ASTN2: variants seen among roughly 807,000 people sequenced by gnomAD.
The protein encoded by ASTN2 is astrotactin 2.
ASTN2 carries 54 observed loss-of-function variants against 139.8 expected under a neutral mutation model. The observed-to-expected ratio is 0.39, with a 90% confidence interval of 0.31 to 0.48. ASTN2 has a LOEUF of 0.48. ASTN2 is among the 20% of genes least tolerant of loss of function. ASTN2 has a pLI of 0.95. For synonymous variants in ASTN2, 756 were observed against 719.5 expected (o/e 1.05, Z -0.81); for missense variants, 1,565 against 1,725.1 (o/e 0.91, Z 1.64).
At position 116,656,648 on chromosome 9, in the gene ASTN2, C is replaced by T. The variant is rs897577469; in HGVS notation, c.2807-4855G>A. The stretch of plus-strand genomic sequence containing the variant: ...CCAACTGAACTCTCTTTTTTCTCCT[C>T]CCAAATTCCTGCTGGGTATTATTTT... On this transcript the variant is annotated intron_variant, in intron 16 of 22. Transcript: ENST00000313400. Among the ~76,000 whole-genome samples the T allele has an allele frequency of 3.3e-5, 5 of 150,046 alleles. No homozygotes were observed. In the South Asian group the frequency reaches 6.4e-4, roughly 19 times the overall value.
chr9:117,096,531 G>C (rs959121981), intron 4 of ASTN2, among the ~76,000 whole-genome samples: 17 of 152,160 alleles, frequency 1.1e-4, no homozygotes, highest in African/African-American at 4.1e-4. Context: ...TGTTGCTTTT[G>C]GTGATAAGCA....
At chr9:117,151,274 G>A (rs1830321419) in intron 3 of ASTN2, among the ~76,000 whole-genome samples, 1 of 152,148 alleles carries the variant, frequency 6.6e-6, no homozygotes. Flanking sequence ...AATCCAATGA[G>A]AATCAGAGTC....
chr9:117,356,314 T>C (rs1403575812), intron 1 of ASTN2, among the ~76,000 whole-genome samples: 2 of 152,222 alleles, frequency 1.3e-5, no homozygotes, highest in African/African-American at 4.8e-5. Context: ...TCGATTCTTC[T>C]TGGACACCTA....
chr9:116,538,991 T>C (rs979929534), intron 19 of ASTN2, among the ~76,000 whole-genome samples: 1 of 151,986 alleles, frequency 6.6e-6, no homozygotes, highest in Non-Finnish European at 1.5e-5. Flanking sequence ...AATAATGGAG[T>C]CTTCTTTTAA....
At chr9:116,546,145 A>C (rs536563181) in intron 19 of ASTN2, 1 of 152,328 alleles carries the variant, frequency 6.6e-6, no homozygotes, top group East Asian at 1.9e-4. Flanking sequence ...CCAAAGGTAA[A>C]AACTGAAGAT....
rs527429954 is a variant in ASTN2, at chr9:116,957,049, A to ATTTTT, written c.1889+18154_1889+18158dup. Among the ~76,000 whole-genome samples the ATTTTT allele has an allele frequency of 1.0e-3, 145 of 141,812 alleles. No individual in the cohort carries two copies. The East Asian group carries it at 0.013, about 12-fold the overall frequency. 93.0% of individuals were successfully genotyped at this position (141,812 alleles called of 152,430 possible). On this transcript the variant is annotated intron_variant, in intron 10 of 22. Transcript: ENST00000313400. ...GCAGTCCCTATCAGATTCCCAGTTAATTTTTTTTTTTTTTTTGCAGAAATT... is the reference window on the plus strand; with the variant it reads ...GCAGTCCCTATCAGATTCCCAGTTAATTTTTTTTTTTTTTTTTTTTTGCAGAAATT...
At chr9:117,121,535 G>A (rs1264142315) in intron 4 of ASTN2, among the ~76,000 whole-genome samples, 1 of 152,188 alleles carries the variant, frequency 6.6e-6, no homozygotes, top group African/African-American at 2.4e-5. Context: ...CATTTTCCAA[G>A]TAGCATGGAA....
intron 10 of ASTN2, among the ~76,000 whole-genome samples, chr9:116,924,024 A>G (rs900817623): frequency 1.3e-5 from 2 of 152,162 alleles, no homozygotes; most frequent in African/African-American, 4.8e-5. Flanking sequence ...AACCCAATAG[A>G]GGGTTCTTGG....
chr9:116,975,370 G>T, intron 9 of ASTN2, 25 bp from the exon 10 acceptor site: 2 of 1,574,060 alleles, frequency 1.3e-6, no homozygotes, highest in East Asian at 2.3e-5. Context: ...TTTCCATTGG[G>T]GAACTCCCTG....
intron 16 of ASTN2, among the ~76,000 whole-genome samples, chr9:116,658,025 C>T (rs929520182): frequency 1.3e-5 from 2 of 151,936 alleles, no homozygotes; most frequent in Non-Finnish European, 2.9e-5. Flanking sequence ...GTTGGGACTA[C>T]AGGTACATGC....
intron 5 of ASTN2, among the ~76,000 whole-genome samples, chr9:117,084,771 C>G (rs13289240): frequency 0.25 from 38,420 of 152,110 alleles, 5,075 homozygotes; most frequent in Non-Finnish European, 0.29. Flanking sequence ...GCTGATATAT[C>G]AAGGAAGCTT....
chr9:117,145,238 T>C (rs1338254532), intron 3 of ASTN2, among the ~76,000 whole-genome samples: 1 of 152,168 alleles, frequency 6.6e-6, no homozygotes, highest in Non-Finnish European at 1.5e-5. Flanking sequence ...GGAGACTCAA[T>C]ACCCGCATTC....
chr9:117,061,151 ATTTATTTATTTAT>A (rs900188735), intron 5 of ASTN2, among the ~76,000 whole-genome samples: 3 of 130,562 alleles, frequency 2.3e-5, no homozygotes, highest in African/African-American at 1.0e-4. Context: ...TTATTTATTT[ATTTATTTATTTAT>A]TTATTTATTT....
intron 5 of ASTN2, among the ~76,000 whole-genome samples, chr9:117,076,803 C>G (rs1828292958): frequency 6.6e-6 from 1 of 152,206 alleles, no homozygotes; most frequent in African/African-American, 2.4e-5. Flanking sequence ...TTTAACATCC[C>G]TGGCCATAAA....
intron 16 of ASTN2, chr9:116,701,001 A>G (rs1171836554): frequency 1.2e-5 from 2 of 167,102 alleles, no homozygotes; most frequent in Non-Finnish European, 2.9e-5. Context: ...CTTCTGCTGT[A>G]TGTTTTATGT....
intron 19 of ASTN2, among the ~76,000 whole-genome samples, chr9:116,555,542 C>G (rs762555395): frequency 6.6e-6 from 1 of 151,326 alleles, no homozygotes; most frequent in Non-Finnish European, 1.5e-5. Flanking sequence ...CCCACCCCGT[C>G]CCCACCCCAG....
intron 16 of ASTN2, among the ~76,000 whole-genome samples, chr9:116,685,211 GC>G (rs1187837266): frequency 1.1e-4 from 16 of 151,902 alleles, no homozygotes; most frequent in East Asian, 5.8e-4. Context: ...TGATCTTGTG[GC>G]CCCCCCACTC....
At chr9:116,910,456 C>T (rs1014996895) in intron 10 of ASTN2, among the ~76,000 whole-genome samples, 1 of 152,190 alleles carries the variant, frequency 6.6e-6, no homozygotes, top group Admixed American at 6.5e-5. Context: ...TTCCAGACAT[C>T]GCCCACCACT....
At chr9:116,576,907 A>G (rs1353281342) in intron 19 of ASTN2, among the ~76,000 whole-genome samples, 1 of 152,158 alleles carries the variant, frequency 6.6e-6, no homozygotes, top group African/African-American at 2.4e-5. Flanking sequence ...CCTTTCAACA[A>G]TCATCATCTC....
Sources: gnomAD v4.1 joint callset for allele counts (sites outside exome capture counted in the v4.1 genomes callset) on GRCh38, gnomAD v4.1.1 for gene constraint, MANE v1.5 for transcripts, NCBI Gene and HGNC (gene_info 2026-07-23, HGNC 2026-07-21) for gene names.